The following NTM variants were observed in gnomAD, a reference collection of about 807,000 sequenced individuals.
NTM encodes the protein IgLON family member 2.
Under a neutral mutation model 42.1 loss-of-function variants are expected in NTM, and 13 were observed. The ratio of observed to expected loss-of-function variants is 0.31; its 90% confidence interval spans 0.20 to 0.49. NTM has a LOEUF of 0.49. Among genes scored for constraint, NTM ranks in the 20% least tolerant of loss-of-function variants. NTM has a pLI of 0.99. For synonymous variants in NTM, 187 were observed against 179.2 expected (o/e 1.04, Z -0.35); for missense variants, 373 against 452.8 (o/e 0.82, Z 1.60).
intron 1 of NTM, among the ~76,000 whole-genome samples, chr11:131,622,938 G>C (rs191426956): frequency 1.3e-5 from 2 of 152,276 alleles, no homozygotes; most frequent in East Asian, 3.9e-4. Flanking sequence ...TGGTACACTA[G>C]ACTTCAAATT....
At chr11:131,389,871 A>G (rs1310391107) in intron 1 of NTM, among the ~76,000 whole-genome samples, 2 of 152,182 alleles carry the variant, frequency 1.3e-5, no homozygotes, top group East Asian at 3.9e-4. Flanking sequence ...TCCAAATATA[A>G]CAGCAAAGCA....
At chr11:132,070,499 A>C (rs112237579) in intron 2 of NTM, among the ~76,000 whole-genome samples, 1 of 124,860 alleles carries the variant, frequency 8.0e-6, no homozygotes, top group African/African-American at 3.1e-5. Flanking sequence ...TGACCGTCAC[A>C]GGTTAGTTAA....
intron 1 of NTM, among the ~76,000 whole-genome samples, chr11:131,601,298 A>G (rs1196551932): frequency 1.3e-5 from 2 of 152,208 alleles, no homozygotes; most frequent in Admixed American, 1.3e-4. Flanking sequence ...GGACCAGAGC[A>G]CCATCACAGT....
At chr11:132,015,060 G>T (rs2073130703) in intron 2 of NTM, among the ~76,000 whole-genome samples, 2 of 151,750 alleles carry the variant, frequency 1.3e-5, no homozygotes, top group African/African-American at 2.4e-5. Flanking sequence ...TTTTGAGATG[G>T]TTTTTTGATA....
At chr11:131,581,241 C>A (rs117975629) in intron 1 of NTM, among the ~76,000 whole-genome samples, 1 of 152,208 alleles carries the variant, frequency 6.6e-6, no homozygotes, top group Non-Finnish European at 1.5e-5. Flanking sequence ...TCCTGACTAG[C>A]CTTCCACCTC....
intron 3 of NTM, among the ~76,000 whole-genome samples, chr11:132,153,708 C>T (rs549067032): frequency 5.9e-5 from 9 of 152,230 alleles, no homozygotes; most frequent in Non-Finnish European, 1.3e-4. Flanking sequence ...GTTGTCAGAT[C>T]GAAGACACTC....
intron 3 of NTM, among the ~76,000 whole-genome samples, chr11:132,172,148 TTGG>T (rs2076202275): frequency 6.6e-6 from 1 of 152,210 alleles, no homozygotes; most frequent in South Asian, 2.1e-4. Flanking sequence ...TGGACCACTC[TTGG>T]TCCAAACAGC....
At chr11:132,209,633 T>C (rs2082514982) in intron 3 of NTM, among the ~76,000 whole-genome samples, 1 of 152,224 alleles carries the variant, frequency 6.6e-6, no homozygotes. Flanking sequence ...AAAGTTTACT[T>C]TAAATGCCGT....
At chr11:131,795,167 C>T (rs114566614) in intron 1 of NTM, 1 of 376,448 alleles carries the variant, frequency 2.7e-6, no homozygotes, top group African/African-American at 2.2e-5. Flanking sequence ...TTTTTGTCAC[C>T]CACTTAAATT....
At chr11:131,449,409 G>A (rs996182414) in intron 1 of NTM, among the ~76,000 whole-genome samples, 17 of 152,170 alleles carry the variant, frequency 1.1e-4, no homozygotes, top group Non-Finnish European at 2.1e-4. Flanking sequence ...CAGCTTCCTC[G>A]TTGTGCAGAT....
chr11:132,086,815 C>T (rs1180514122), intron 2 of NTM, among the ~76,000 whole-genome samples: 1 of 152,206 alleles, frequency 6.6e-6, no homozygotes, highest in Non-Finnish European at 1.5e-5. Flanking sequence ...TCTGGGTTCT[C>T]TTCCCCTGAG....
intron 1 of NTM, among the ~76,000 whole-genome samples, chr11:131,852,180 A>G (rs1054472082): frequency 6.6e-6 from 1 of 152,186 alleles, no homozygotes; most frequent in African/African-American, 2.4e-5. Context: ...TGCAAATGGC[A>G]GTCAGTGTGT....
intron 1 of NTM, among the ~76,000 whole-genome samples, chr11:131,468,100 A>G: frequency 6.6e-6 from 1 of 152,236 alleles, no homozygotes; most frequent in East Asian, 1.9e-4. Context: ...GGCATTTAGT[A>G]CGGTGGCTTC....
At chr11:131,576,939 G>C (rs942839911) in intron 1 of NTM, among the ~76,000 whole-genome samples, 2 of 152,190 alleles carry the variant, frequency 1.3e-5, no homozygotes, top group Non-Finnish European at 2.9e-5. Flanking sequence ...CTTTGCAAAT[G>C]TTTAGCACTG....
At chr11:132,263,909 G>A (rs544718013) in intron 4 of NTM, among the ~76,000 whole-genome samples, 139 of 152,232 alleles carry the variant, frequency 9.1e-4, no homozygotes, top group Middle Eastern at 6.8e-3. Flanking sequence ...CCAATATTAT[G>A]TACACGATTA....
chr11:131,373,488 G>A (rs974436025), intron 1 of NTM, among the ~76,000 whole-genome samples: 9 of 151,966 alleles, frequency 5.9e-5, no homozygotes, highest in Admixed American at 5.2e-4. Context: ...AGGGAGGGGG[G>A]TTTCTGAGGG....
chr11:131,787,788 C>A (rs775912586), intron 1 of NTM, among the ~76,000 whole-genome samples: 2 of 152,140 alleles, frequency 1.3e-5, no homozygotes, highest in Non-Finnish European at 2.9e-5. Context: ...AGCTGTGAAC[C>A]CTTCTGGTCC....
intron 1 of NTM, among the ~76,000 whole-genome samples, chr11:131,496,257 C>G (rs1300610787): frequency 3.3e-5 from 5 of 152,174 alleles, no homozygotes; most frequent in African/African-American, 4.8e-5. Context: ...GCTTTTACAC[C>G]CCCTTCACCT....
intron 1 of NTM, among the ~76,000 whole-genome samples, chr11:131,401,046 TAGAC>T (rs745488338): frequency 2.7e-5 from 4 of 146,858 alleles, no homozygotes; most frequent in South Asian, 2.1e-4. Flanking sequence ...GAGGCATGCA[TAGAC>T]AGACAGAAAA....
Sources: gnomAD v4.1 joint callset for allele counts (sites outside exome capture counted in the v4.1 genomes callset) on GRCh38, gnomAD v4.1.1 for gene constraint, MANE v1.5 for transcripts, NCBI Gene and HGNC (gene_info 2026-07-23, HGNC 2026-07-21) for gene names.